PCDH15: variants seen among roughly 807,000 people sequenced by gnomAD.
PCDH15 encodes the protein protocadherin-15.
Under a neutral mutation model 178.5 loss-of-function variants are expected in PCDH15, and 129 were observed. The ratio of observed to expected loss-of-function variants is 0.72; its 90% CI spans 0.63 to 0.84. PCDH15 has a LOEUF of 0.84. PCDH15 is among the 40% of genes least tolerant of loss of function. The probability of loss-of-function intolerance (pLI) is 0.00; values close to 1 mark genes in which losing one functional copy is unlikely to be tolerated. For missense variants in PCDH15, 2,230 were observed against 2,099.9 expected, an observed-to-expected ratio of 1.06 and a Z score of -1.21; for synonymous variants, 800 against 732.0, an observed-to-expected ratio of 1.09 and a Z score of -1.50.
At chr10:54,291,359 A>C (rs2059390793) in intron 8 of PCDH15, among the ~76,000 whole-genome samples, 1 of 152,240 alleles carries the variant, frequency 6.6e-6, no homozygotes, top group South Asian at 2.1e-4. Flanking sequence ...AAATGCCCAC[A>C]AGAGAAAGCA....
intron 2 of PCDH15, among the ~76,000 whole-genome samples, chr10:54,907,595 G>C (rs1167583746): frequency 1.3e-5 from 2 of 152,044 alleles, no homozygotes; most frequent in East Asian, 3.9e-4. Flanking sequence ...TATTGTCATT[G>C]TTAAGGCCCC....
chr10:55,187,751 A>G (rs1839836270), intron 1 of PCDH15, among the ~76,000 whole-genome samples: 1 of 152,010 alleles, frequency 6.6e-6, no homozygotes, highest in African/African-American at 2.4e-5. Flanking sequence ...CAACAAAGAA[A>G]AAGAACATGT....
chr10:54,963,725 T>A (rs937562270), intron 2 of PCDH15, among the ~76,000 whole-genome samples: 1 of 152,244 alleles, frequency 6.6e-6, no homozygotes, highest in Non-Finnish European at 1.5e-5. Context: ...TCAATTTTCC[T>A]ATACAGACCA....
chr10:53,993,232 T>C (rs1330925647), intron 21 of PCDH15, among the ~76,000 whole-genome samples: 3 of 152,226 alleles, frequency 2.0e-5, no homozygotes, highest in African/African-American at 4.8e-5. Context: ...TTTTCTACAG[T>C]AATACAAAAT....
chr10:54,101,515 T>C (rs1030267397), intron 15 of PCDH15, among the ~76,000 whole-genome samples: 2 of 152,180 alleles, frequency 1.3e-5, no homozygotes, highest in African/African-American at 4.8e-5. Context: ...AACACTAACA[T>C]AACCCCTTAG....
chr10:54,249,997 C>T (rs1205706463), intron 8 of PCDH15, among the ~76,000 whole-genome samples: 1 of 151,914 alleles, frequency 6.6e-6, no homozygotes, highest in Non-Finnish European at 1.5e-5. Flanking sequence ...TCACAACCTC[C>T]ACCTCATGGG....
intron 2 of PCDH15, among the ~76,000 whole-genome samples, chr10:54,936,429 T>G (rs1447071591): frequency 6.6e-6 from 1 of 152,020 alleles, no homozygotes; most frequent in Non-Finnish European, 1.5e-5. Context: ...AGGGCAAGTT[T>G]GTTTAAAATA....
At chr10:54,121,653 C>A (rs1307514806) in intron 15 of PCDH15, among the ~76,000 whole-genome samples, 1 of 152,108 alleles carries the variant, frequency 6.6e-6, no homozygotes. Context: ...TACAAAACTC[C>A]CTCATAGACA....
At chr10:55,360,632 G>T (rs1845205123) in intron 2 of PCDH15, among the ~76,000 whole-genome samples, 1 of 151,872 alleles carries the variant, frequency 6.6e-6, no homozygotes, top group African/African-American at 2.4e-5. Flanking sequence ...CATTATCATA[G>T]CAATGCAAAT....
chr10:54,113,323 ATAAC>A (rs1274633415), intron 15 of PCDH15, among the ~76,000 whole-genome samples: 1 of 152,224 alleles, frequency 6.6e-6, no homozygotes, highest in Non-Finnish European at 1.5e-5. Context: ...CAGATAAACA[ATAAC>A]TAATTCAGCA....
intron 33 of PCDH15, among the ~76,000 whole-genome samples, chr10:53,819,575 T>C (rs1490435834): frequency 2.6e-5 from 4 of 152,036 alleles, no homozygotes; most frequent in Non-Finnish European, 5.9e-5. Context: ...TGTATATGTA[T>C]CACTGTTTAC....
upstream of PCDH15, among the ~76,000 whole-genome samples, chr10:55,321,592 A>G (rs1274057171): frequency 1.3e-5 from 2 of 152,186 alleles, no homozygotes; most frequent in Admixed American, 6.5e-5. Flanking sequence ...AAAAATGTTA[A>G]AGGCAGCTAG....
intron 1 of PCDH15, among the ~76,000 whole-genome samples, chr10:54,665,142 A>G (rs527397744): frequency 2.2e-4 from 34 of 151,894 alleles, no homozygotes; most frequent in African/African-American, 7.7e-4. Context: ...GGACAAGCAG[A>G]CAAAGGAAAA....
intron 2 of PCDH15, among the ~76,000 whole-genome samples, chr10:55,341,444 T>C (rs1439572281): frequency 6.6e-6 from 1 of 152,042 alleles, no homozygotes; most frequent in Non-Finnish European, 1.5e-5. Context: ...AATAAAAGTA[T>C]TTATTCAGTA....
intron 10 of PCDH15, among the ~76,000 whole-genome samples, chr10:54,196,963 T>C (rs1038535100): frequency 1.3e-5 from 2 of 152,180 alleles, no homozygotes; most frequent in South Asian, 4.1e-4. Context: ...CCATCCAGTT[T>C]ATGGTGTTTT....
intron 2 of PCDH15, among the ~76,000 whole-genome samples, chr10:54,939,121 A>G (rs886369788): frequency 1.3e-5 from 2 of 152,160 alleles, no homozygotes; most frequent in Non-Finnish European, 2.9e-5. Context: ...AAATAAACAC[A>G]TAAGTCTTCT....
intron 8 of PCDH15, among the ~76,000 whole-genome samples, chr10:54,287,243 TG>T (rs2059087279): frequency 6.6e-6 from 1 of 152,192 alleles, no homozygotes; most frequent in Non-Finnish European, 1.5e-5. Flanking sequence ...TTTAGAAAAT[TG>T]TCACCAAAGT....
At chr10:54,021,470 G>A (rs966880721) in intron 19 of PCDH15, among the ~76,000 whole-genome samples, 13 of 151,778 alleles carry the variant, frequency 8.6e-5, no homozygotes, top group Admixed American at 5.9e-4. Flanking sequence ...TTCAATCAAC[G>A]CCATTATCCT....
At chr10:54,807,739 A>G (rs530721780) in intron 3 of PCDH15, among the ~76,000 whole-genome samples, 4 of 149,054 alleles carry the variant, frequency 2.7e-5, no homozygotes, top group Admixed American at 6.7e-5. Flanking sequence ...TGGATAAAGT[A>G]TGCATATACT....
Sources: gnomAD v4.1 joint callset for allele counts (sites outside exome capture counted in the v4.1 genomes callset) on GRCh38, gnomAD v4.1.1 for gene constraint, MANE v1.5 for transcripts, NCBI Gene and HGNC (gene_info 2026-07-23, HGNC 2026-07-21) for gene names.